FAR2: variants seen among roughly 807,000 people sequenced by gnomAD.
FAR2 encodes the protein epididymis secretory protein Li 81.
Under a neutral mutation model 56.0 loss-of-function variants are expected in FAR2, and 19 were observed. The ratio of observed to expected loss-of-function variants is 0.34; its 90% CI spans 0.24 to 0.50. FAR2 has a LOEUF of 0.50. FAR2 is among the 20% of genes least tolerant of loss of function. The pLI is 0.98. For synonymous variants in FAR2, 219 were observed against 218.8 expected (o/e 1.00, Z -0.01); for missense variants, 508 against 642.2 (o/e 0.79, Z 2.26).
In FAR2 at chr12:29,335,368, T is replaced by C. The variant is rs973674257; in HGVS notation, c.*1574T>C. ...TTTTCCATAGCAGACAACCCAGCTC[T>C]GAAACTAAGCACCTGGTGATCTTTA... is the stretch of plus-strand genomic sequence containing the variant. On this transcript the variant is annotated 3_prime_UTR_variant, in exon 12 of 12. Transcript: ENST00000536681. 1 of 152,196 alleles carries C rather than the reference T, an allele frequency of 6.6e-6. No homozygotes were observed. Among genetic ancestry groups the C allele is most frequent in the Non-Finnish European group, 1.5e-5 (1 of 68,038 alleles). The allele number at this position is 152,196 out of a possible 1,614,324, so 9.4% of individuals were successfully genotyped here. A position where few individuals can be genotyped will look rare whatever the true frequency, so the allele number is the denominator to read the frequency against.
chr12:29,280,582 T>G (rs965817614), intron 2 of FAR2: 1 of 152,222 alleles, frequency 6.6e-6, no homozygotes, highest in Non-Finnish European at 1.5e-5. Context: ...CTGAAGGAGA[T>G]AAACCCCCCA....
intron 1 of FAR2, among the ~76,000 whole-genome samples, chr12:29,249,551 A>T (rs972570541): frequency 6.6e-6 from 1 of 152,170 alleles, no homozygotes. Context: ...ATGTATTGTT[A>T]TGTGTGACAT....
At chr12:29,238,572 A>G (rs1024695165) in intron 1 of FAR2, among the ~76,000 whole-genome samples, 2 of 152,164 alleles carry the variant, frequency 1.3e-5, no homozygotes, top group African/African-American at 2.4e-5. Context: ...GTATAGAGAA[A>G]TCCTGAGACA....
chr12:29,278,325 T>C (rs1470881235), intron 2 of FAR2, among the ~76,000 whole-genome samples: 1 of 152,072 alleles, frequency 6.6e-6, no homozygotes, highest in African/African-American at 2.4e-5. Flanking sequence ...CAAAGTCCCT[T>C]AGAGGCAGAG....
chr12:29,210,118 A>T (rs1349336267), intron 1 of FAR2, among the ~76,000 whole-genome samples: 2 of 152,106 alleles, frequency 1.3e-5, no homozygotes, highest in Admixed American at 6.6e-5. Flanking sequence ...GAAAGTGGGA[A>T]GATCAATTGA....
At chr12:29,224,567 T>G (rs1359973784) in intron 1 of FAR2, among the ~76,000 whole-genome samples, 1 of 152,232 alleles carries the variant, frequency 6.6e-6, no homozygotes, top group Non-Finnish European at 1.5e-5. Context: ...TATAGATTTT[T>G]GCCTTTTGCT....
chr12:29,252,997 G>A (rs2136678894), intron 1 of FAR2, among the ~76,000 whole-genome samples: 1 of 152,026 alleles, frequency 6.6e-6, no homozygotes, highest in East Asian at 1.9e-4. Context: ...AAAGCCGTAT[G>A]GAACAAAGAC....
At chr12:29,201,992 G>T (rs1411860152) in intron 1 of FAR2, among the ~76,000 whole-genome samples, 1 of 152,080 alleles carries the variant, frequency 6.6e-6, no homozygotes, top group Non-Finnish European at 1.5e-5. Context: ...GAGTTCCTCT[G>T]CAATAGTGCA....
intron 1 of FAR2, among the ~76,000 whole-genome samples, chr12:29,200,506 C>T (rs1053910215): frequency 1.3e-5 from 2 of 152,108 alleles, no homozygotes; most frequent in Admixed American, 1.3e-4. Context: ...TCTCTCCTAC[C>T]TCTTGAAGGT....
chr12:29,225,128 T>A (rs1947744092), intron 1 of FAR2, among the ~76,000 whole-genome samples: 1 of 152,002 alleles, frequency 6.6e-6, no homozygotes, highest in Admixed American at 6.6e-5. Context: ...CCTAGCTACT[T>A]GGGAGACTGA....
At chr12:29,213,026 TA>T (rs1359593331) in intron 1 of FAR2, among the ~76,000 whole-genome samples, 2 of 152,186 alleles carry the variant, frequency 1.3e-5, no homozygotes, top group East Asian at 3.9e-4. Context: ...GTCTCTTATC[TA>T]AAAATTACAA....
chr12:29,325,929 A>C (rs1949636442), intron 10 of FAR2, among the ~76,000 whole-genome samples: 3 of 152,012 alleles, frequency 2.0e-5, no homozygotes, highest in African/African-American at 2.4e-5. Flanking sequence ...ATAGAGACCC[A>C]AAAAAACCCT....
chr12:29,253,339 A>G (rs1948261755), intron 1 of FAR2, among the ~76,000 whole-genome samples: 1 of 141,960 alleles, frequency 7.0e-6, no homozygotes, highest in Non-Finnish European at 1.5e-5. Context: ...ATAGATATCT[A>G]TATATCTATA....
intron 4 of FAR2, among the ~76,000 whole-genome samples, chr12:29,304,726 T>A (rs1186538712): frequency 6.6e-6 from 1 of 152,212 alleles, no homozygotes; most frequent in South Asian, 2.1e-4. Context: ...TGTGTGTATA[T>A]GTGAACACAC....
At chr12:29,326,247 G>C (rs549734652) in intron 10 of FAR2, among the ~76,000 whole-genome samples, 152 of 152,242 alleles carry the variant, frequency 1.0e-3, no homozygotes, top group Non-Finnish European at 1.9e-3. Context: ...CTCTGAAATT[G>C]AGGCAATAAT....
intron 11 of FAR2, chr12:29,333,142 A>G: frequency 6.0e-6 from 2 of 333,928 alleles, no homozygotes; most frequent in Non-Finnish European, 1.2e-5. Context: ...ACTTTCTTAA[A>G]TTTCTTTCAG....
chr12:29,157,106 T>TTA (rs5797307), intron 1 of FAR2: 7,812 of 73,144 alleles, frequency 0.11, 468 homozygotes, highest in East Asian at 0.14. Flanking sequence ...AAAGAACATT[T>TTA]TATATATATA....
Position 29,175,946 on chromosome 12 carries a change from G to A in FAR2, c.-39+26539G>A, listed in dbSNP as rs182213903. ...CATCTCTCAATCTTATAAAATGCTA[G>A]AGTAAAAATTGAAAAATAAAGCAAA... On this transcript the variant is annotated intron_variant, in intron 1 of 11. Coordinates refer to ENST00000536681, the MANE Select transcript of FAR2 (RefSeq NM_001271783.2). 1.4e-3 allele frequency among the ~76,000 whole-genome samples: 216 copies of A among 152,314 alleles called. 1 individual carries two copies. Among genetic ancestry groups the A allele is most frequent in the Non-Finnish European group, 2.7e-3 (187 of 68,034 alleles).
intron 10 of FAR2, among the ~76,000 whole-genome samples, chr12:29,327,393 G>GA (rs1949666637): frequency 1.3e-5 from 2 of 152,190 alleles, no homozygotes; most frequent in South Asian, 2.1e-4. Context: ...CACAGAATTG[G>GA]AAAAAACTAC....
Sources: allele counts gnomAD v4.1 joint callset (sites outside exome capture counted in the v4.1 genomes callset), GRCh38; gene constraint gnomAD v4.1.1; transcripts MANE v1.5; gene names NCBI Gene and HGNC (gene_info 2026-07-23, HGNC 2026-07-21).